Variants in NFATC4 observed in about 807,000 individuals in gnomAD.
NFATC4 encodes nuclear factor of activated T-cells, cytoplasmic 4.
A neutral mutation model predicts 73.4 loss-of-function variants in NFATC4; 25 were observed. The observed-to-expected ratio is 0.34, with a 90% CI of 0.25 to 0.48. The LOEUF (loss-of-function observed/expected upper bound fraction) is 0.48. Ranked by LOEUF, NFATC4 falls within the 20% of genes least tolerant of loss-of-function variation. NFATC4 has a pLI of 0.99. For missense variants in NFATC4, 1,130 were observed against 1,203.7 expected (o/e 0.94, Z 0.91); for synonymous variants, 523 against 510.3 (o/e 1.02, Z -0.34).
chr14:24,367,360 T>C (rs761989062), upstream of NFATC4: 28 of 1,536,128 alleles, frequency 1.8e-5, no homozygotes, highest in Non-Finnish European at 2.4e-5. Flanking sequence ...GGGTCAGAGA[T>C]TCATTCCAGA....
chr14:24,369,016 C>G, intron 1 of NFATC4: 1 of 1,281,944 alleles, frequency 7.8e-7, no homozygotes, highest in Non-Finnish European at 9.9e-7. Context: ...CCCTAGATGG[C>G]GAGGAGAGAG....
At chr14:24,368,498 G>T in intron 1 of NFATC4, 58 bp downstream of exon 1, 1 of 1,247,152 alleles carries the variant, frequency 8.0e-7, no homozygotes, top group Non-Finnish European at 1.0e-6. Context: ...CGGGGATCCT[G>T]AGTCTGGGGA....
chr14:24,369,426 C>T, intron 1 of NFATC4, 73 bp from the exon 2 acceptor site: 1 of 1,608,944 alleles, frequency 6.2e-7, no homozygotes, highest in Non-Finnish European at 8.5e-7. Context: ...GGCCTGGCCA[C>T]TCAAGGAACA....
Position 24,369,964 on chromosome 14 carries a change from C to T in NFATC4, c.566C>T (p.Ala189Val), listed in dbSNP as rs564142847. 4.8e-5 allele frequency: 78 copies of T among 1,613,000 alleles called. No individual in the cohort carries two copies. In the South Asian group the frequency reaches 8.2e-4, roughly 17 times the overall value. The change falls in exon 2 of 10, where the codon GCA becomes GTA. Residue 189 changes from alanine (A) to valine (V), a missense_variant. Around this residue, in one of 3 missense-constraint regions of NFATC4, gnomAD observed 585 missense variants for 574.3 expected, o/e 1.02. Transcript: ENST00000250373. ...TTCTTCTCCGATGCCTCTGACGAGG[C>T]AGCCCTGTATGCAGCCTGCGACGAG... ...WSFFSDASDE[A>V]ALYAACDEVE...
In NFATC4 at chr14:24,373,801, G is replaced by A. The variant is rs1165139939; in HGVS notation, c.1666G>A (p.Val556Ile). 3 of 1,614,138 alleles carry A rather than the reference G, an allele frequency of 1.9e-6. No individual in the cohort carries two copies. The highest frequency in any genetic ancestry group is 1.7e-5 in the Admixed American group (1 of 60,026). ...CACACGTGTACGGCTGGTGTTCCGG[G>A]TACACGTGCCCCAGGGCGGCGGGAA... ...KNTRVRLVFR[V>I]HVPQGGGKVV... The change falls in exon 5 of 10, where the codon GTA becomes ATA. Residue 556 changes from valine to isoleucine, a missense_variant. Transcript: ENST00000250373. This position sits in a 1 kb window ranked among gnomAD's most constrained non-coding sequence, Gnocchi z 4.7.
chr14:24,373,798 C>A lies in NFATC4; in HGVS notation c.1663C>A (p.Arg555=). ...AAACACACGTGTACGGCTGGTGTTC[C>A]GGGTACACGTGCCCCAGGGCGGCGG... ...RKNTRVRLVF[R]VHVPQGGGKV... The change falls in exon 5 of 10, where the codon CGG becomes AGG. Residue 555 remains arginine, a synonymous_variant. Transcript: ENST00000250373. The surrounding 1 kb of genome is among the most constrained non-coding windows in gnomAD (Gnocchi z 4.7). The A allele has an allele frequency of 6.2e-7, 1 of 1,614,110 alleles. No homozygotes were observed. The highest frequency in any genetic ancestry group is 8.5e-7 in the Non-Finnish European group (1 of 1,180,030).
rs746437513 is a variant in NFATC4, at chr14:24,376,051, C to T, written c.2006C>T (p.Ser669Phe). Residue 669 changes from serine (S) to phenylalanine (F), a missense_variant, in exon 8 of 10, where the codon TCC (serine) becomes TTC (phenylalanine). By Grantham distance (155) the Ser-to-Phe change is radical. This residue lies in a region of NFATC4 where 390 missense variants were observed against 408.1 expected (regional missense o/e 0.96). Transcript: ENST00000250373. The surrounding 1 kb of genome is among the most constrained non-coding windows in gnomAD (Gnocchi z 5.0). Reference protein sequence around the residue: ...SRPVQVYFYVSNGRRKRSPTQ... With the variant: ...SRPVQVYFYVFNGRRKRSPTQ... The stretch of plus-strand genomic sequence containing the variant: ...CCAGTCCAGGTCTACTTTTATGTCT[C>T]CAATGGGCGGAGGAAACGCAGTCCT... 2 of 1,614,036 alleles carry T rather than the reference C, an allele frequency of 1.2e-6. No individual in the cohort carries two copies. Among genetic ancestry groups the T allele is most frequent in the Non-Finnish European group, 1.7e-6 (2 of 1,179,956 alleles).
chr14:24,376,284 G>A lies in NFATC4; in HGVS notation c.2057-10G>A, dbSNP rs766182587. Reference sequence around the variant, plus strand: ...TCACCAGCATGTCCTCCCACTTCCTGTCTTCCCAGTGATCTGCAAAGAGGA... The same window carrying A: ...TCACCAGCATGTCCTCCCACTTCCTATCTTCCCAGTGATCTGCAAAGAGGA... On this transcript the variant is annotated splice_polypyrimidine_tract_variant and intron_variant, in intron 8 of 9. Coordinates refer to ENST00000250373, the MANE Select transcript of NFATC4 (RefSeq NM_004554.5). This position sits in a 1 kb window ranked among gnomAD's most constrained non-coding sequence, Gnocchi z 5.0. 1.9e-6 allele frequency: 3 copies of A among 1,561,646 alleles called. No homozygotes were observed. The highest frequency in any genetic ancestry group is 2.6e-6 in the Non-Finnish European group (3 of 1,153,728).
At chr14:24,369,106 C>T (rs901297404) in intron 1 of NFATC4, 96 of 1,428,980 alleles carry the variant, frequency 6.7e-5, no homozygotes, top group Non-Finnish European at 8.4e-5. Context: ...AACTGGGGCT[C>T]CTGCCAGCGC....
intron 6 of NFATC4, 80 bp from the exon 7 acceptor site, chr14:24,375,580 A>G (rs2042590468): frequency 6.7e-7 from 1 of 1,493,858 alleles, no homozygotes; most frequent in African/African-American, 1.4e-5. Flanking sequence ...TGGCTCTAAC[A>G]GGAGGGGAAA....
chr14:24,375,620 C>T (rs770435878), intron 6 of NFATC4, 40 bp from the exon 7 acceptor site: 32 of 1,547,660 alleles, frequency 2.1e-5, no homozygotes, highest in South Asian at 1.5e-4. Context: ...GGGACAGGGG[C>T]GCTGGAGTTG....
At position 24,376,492 on chromosome 14, in the gene NFATC4, C is replaced by T. The variant is rs144027275; in HGVS notation, c.2255C>T (p.Thr752Met). Residue 752 changes from threonine (T) to methionine (M), a missense_variant, in exon 9 of 10, where the codon ACG (threonine) becomes ATG (methionine). Coordinates refer to ENST00000250373, the MANE Select transcript of NFATC4 (RefSeq NM_004554.5). This position sits in a 1 kb window ranked among gnomAD's most constrained non-coding sequence, Gnocchi z 5.0. ...GYGMPPLYPQ[T>M]GPPPSYRPGL... Reference sequence around the variant, plus strand: ...GGCATGCCCCCTCTGTACCCCCAGACGGGGCCCCCACCATCCTACAGACCG... The same window carrying T: ...GGCATGCCCCCTCTGTACCCCCAGATGGGGCCCCCACCATCCTACAGACCG... 3.7e-6 allele frequency: 6 copies of T among 1,613,600 alleles called. No individual in the cohort carries two copies. The East Asian group carries it at 6.7e-5, about 18-fold the overall frequency.
At position 24,376,310 on chromosome 14, in the gene NFATC4, G is replaced by C. The variant is rs766919505; in HGVS notation, c.2073G>C (p.Glu691Asp). The C allele has an allele frequency of 3.2e-6, 5 of 1,577,096 alleles. No homozygotes were observed. The African/African-American group carries it at 4.1e-5, about 13-fold the overall frequency. Reference protein sequence around the residue: ...FRFLPVICKEEPLPDSSLRGF... With the variant: ...FRFLPVICKEDPLPDSSLRGF... ...TCTTCCCAGTGATCTGCAAAGAGGA[G>C]CCCCTACCGGACTCATCTCTGCGGG... Residue 691 changes from glutamate (E) to aspartate (D), a missense_variant, in exon 9 of 10, where the codon GAG becomes GAC. Transcript: ENST00000250373. The surrounding 1 kb of genome is among the most constrained non-coding windows in gnomAD (Gnocchi z 5.0).
At position 24,373,063 on chromosome 14, in the gene NFATC4, C is replaced by T. The variant is rs895545621; in HGVS notation, c.1360-108C>T. On this transcript the variant is annotated intron_variant, in intron 3 of 9. Transcript: ENST00000250373. The surrounding 1 kb of genome is among the most constrained non-coding windows in gnomAD (Gnocchi z 4.7). ...CCCAAGGGATTCCCTTGCAGGATATCCTTTATCTTTCACCATTCCCATCCC... is the reference window on the plus strand; with the variant it reads ...CCCAAGGGATTCCCTTGCAGGATATTCTTTATCTTTCACCATTCCCATCCC... 3.6e-6 allele frequency: 4 copies of T among 1,122,252 alleles called. No homozygotes were observed. Among genetic ancestry groups the T allele is most frequent in the Non-Finnish European group, 3.8e-6 (3 of 782,202 alleles). 69.5% of individuals were successfully genotyped at this position (1,122,252 alleles called of 1,614,324 possible). A position where few individuals can be genotyped will look rare whatever the true frequency, so the allele number is the denominator to read the frequency against.
Position 24,370,724 on chromosome 14 carries a change from A to T in NFATC4, c.1196+130A>T, listed in dbSNP as rs1428219617. The stretch of plus-strand genomic sequence containing the variant: ...TCAAAAGAGTATCTGCAACCAGCTC[A>T]GCAGCTGCCAACTACCTGGTTTTAA... On this transcript the variant is annotated intron_variant, in intron 2 of 9. Transcript: ENST00000250373. The T allele has an allele frequency of 6.3e-6, 8 of 1,270,920 alleles. No individual in the cohort carries two copies. In the East Asian group the frequency reaches 2.0e-4, roughly 32 times the overall value. The allele number at this position is 1,270,920 out of a possible 1,614,324, so 78.7% of individuals were successfully genotyped here. A position where few individuals can be genotyped will look rare whatever the true frequency, so the allele number is the denominator to read the frequency against.
Position 24,378,577 on chromosome 14 carries a change from C to A in NFATC4, c.*872C>A, listed in dbSNP as rs56082702. The A allele has an allele frequency of 0.065, 9,973 of 152,802 alleles. 619 individuals are homozygous for A. Among genetic ancestry groups the A allele is most frequent in the Admixed American group, 0.19 (2,913 of 15,304 alleles). The allele number at this position is 152,802 out of a possible 1,614,324, so 9.5% of individuals were successfully genotyped here. The stretch of plus-strand genomic sequence containing the variant: ...AGGTCCAGGCCTCTAAGGCTTCTCT[C>A]CCTGGAGTGAGGGTGGAGGTGAGGG... On this transcript the variant is annotated 3_prime_UTR_variant, in exon 10 of 10. Transcript: ENST00000250373.
upstream of NFATC4, chr14:24,367,134 C>T: frequency 6.2e-7 from 1 of 1,613,948 alleles, no homozygotes; most frequent in Non-Finnish European, 8.5e-7. Context: ...CCATCTAACT[C>T]CCTCTCACAC....
Position 24,377,936 on chromosome 14 carries a change from G to A in NFATC4, c.*231G>A. The stretch of plus-strand genomic sequence containing the variant: ...AGGAGTGTGTGGAGGAGGGAGGAGG[G>A]TGAAGACTGAGGCTAGGTGCCAGAA... On this transcript the variant is annotated 3_prime_UTR_variant, in exon 10 of 10. Transcript: ENST00000250373. The surrounding 1 kb of genome is among the most constrained non-coding windows in gnomAD (Gnocchi z 4.2). 1 of 843,732 alleles carries A rather than the reference G, an allele frequency of 1.2e-6. No individual in the cohort carries two copies. Among genetic ancestry groups the A allele is most frequent in the South Asian group, 1.8e-5 (1 of 54,940 alleles). 52.3% of individuals were successfully genotyped at this position (843,732 alleles called of 1,614,324 possible).
rs754704463 is a variant in NFATC4, at chr14:24,373,687, G to A, written c.1560-8G>A. On this transcript the variant is annotated splice_polypyrimidine_tract_variant and splice_region_variant and intron_variant, in intron 4 of 9. Transcript: ENST00000250373. This position sits in a 1 kb window ranked among gnomAD's most constrained non-coding sequence, Gnocchi z 4.7. ...TAGGAGGGCTTGCCATCCATCCTTT[G>A]CCTCCAGCATTGACTGCGCGGGAAT... The A allele has an allele frequency of 6.3e-7, 1 of 1,597,018 alleles. No individual in the cohort carries two copies. The highest frequency in any genetic ancestry group is 1.3e-5 in the African/African-American group (1 of 74,844).
Sources: allele counts gnomAD v4.1 joint callset, GRCh38; gene constraint gnomAD v4.1.1; regional missense constraint gnomAD v4.1.1; non-coding constraint Gnocchi (gnomAD v3.1); transcripts MANE v1.5; gene names NCBI Gene and HGNC (gene_info 2026-07-23, HGNC 2026-07-21).